Variants in CDH12 observed in about 807,000 individuals in gnomAD.
CDH12 encodes the protein cadherin 12, also known as cadherin-12.
CDH12 carries 41 observed loss-of-function variants against 74.1 expected under a neutral mutation model. That is an observed-to-expected ratio of 0.55 (90% confidence interval 0.43 to 0.72). The LOEUF (loss-of-function observed/expected upper bound fraction) is 0.72, where lower values mean the gene tolerates loss of function less well. Among genes scored for constraint, CDH12 ranks in the 30% least tolerant of loss-of-function variants. The pLI is 0.00. For missense variants in CDH12, 945 were observed against 977.2 expected (o/e 0.97, Z 0.44); for synonymous variants, 399 against 355.0 (o/e 1.12, Z -1.39).
intron 1 of CDH12, among the ~76,000 whole-genome samples, chr5:22,704,908 A>G (rs2126964995): frequency 6.6e-6 from 1 of 152,054 alleles, no homozygotes; most frequent in East Asian, 1.9e-4. Context: ...TCCTTATACA[A>G]TGTATAAAAA....
At chr5:22,719,819 T>A (rs1477698186) in intron 1 of CDH12, among the ~76,000 whole-genome samples, 3 of 152,196 alleles carry the variant, frequency 2.0e-5, no homozygotes, top group Non-Finnish European at 2.9e-5. Flanking sequence ...CCCTTTGCTA[T>A]AATTGGAAAT....
chr5:22,691,311 T>C (rs1432843614), intron 1 of CDH12, among the ~76,000 whole-genome samples: 1 of 152,166 alleles, frequency 6.6e-6, no homozygotes, highest in African/African-American at 2.4e-5. Flanking sequence ...ATATTACTAT[T>C]AGTTAACTTG....
chr5:22,621,156 A>G (rs2126840168), intron 1 of CDH12, among the ~76,000 whole-genome samples: 1 of 152,308 alleles, frequency 6.6e-6, no homozygotes, highest in African/African-American at 2.4e-5. Context: ...CAAAGCCAGC[A>G]GCATAGCATC....
At chr5:22,692,594 G>T (rs1370283885) in intron 1 of CDH12, among the ~76,000 whole-genome samples, 1 of 152,106 alleles carries the variant, frequency 6.6e-6, no homozygotes, top group Non-Finnish European at 1.5e-5. Context: ...TCTTCCTTGG[G>T]CTACAAATGG....
intron 1 of CDH12, among the ~76,000 whole-genome samples, chr5:22,799,150 A>C (rs1748379386): frequency 6.6e-6 from 1 of 152,048 alleles, no homozygotes; most frequent in South Asian, 2.1e-4. Context: ...CAAAACCACA[A>C]AACAGAAACT....
chr5:21,925,247 T>A (rs1754535733), intron 6 of CDH12, among the ~76,000 whole-genome samples: 2 of 152,292 alleles, frequency 1.3e-5, no homozygotes, highest in African/African-American at 4.8e-5. Flanking sequence ...TTGAAAAACA[T>A]CATGAATATA....
chr5:22,268,770 T>C (rs1249924457), intron 3 of CDH12, among the ~76,000 whole-genome samples: 2 of 152,116 alleles, frequency 1.3e-5, no homozygotes, highest in Admixed American at 6.6e-5. Flanking sequence ...AGCTAGGTTT[T>C]TATTTCAGAA....
chr5:22,600,111 T>C (rs1469964469), intron 1 of CDH12, among the ~76,000 whole-genome samples: 1 of 152,178 alleles, frequency 6.6e-6, no homozygotes, highest in Non-Finnish European at 1.5e-5. Context: ...ACCTGTGTGC[T>C]GTTGGGCAGG....
At chr5:22,803,128 T>A (rs1748620896) in intron 1 of CDH12, among the ~76,000 whole-genome samples, 1 of 152,192 alleles carries the variant, frequency 6.6e-6, no homozygotes, top group African/African-American at 2.4e-5. Context: ...TGTCTCAAAG[T>A]CTTTTCTGAA....
At chr5:22,795,728 A>G (rs1037121182) in intron 1 of CDH12, among the ~76,000 whole-genome samples, 6 of 151,906 alleles carry the variant, frequency 3.9e-5, no homozygotes, top group African/African-American at 1.4e-4. Context: ...AGCAGACTAT[A>G]AAAGCAAAGG....
At chr5:22,382,234 T>C (rs1741794125) in intron 3 of CDH12, among the ~76,000 whole-genome samples, 2 of 146,604 alleles carry the variant, frequency 1.4e-5, no homozygotes, top group Non-Finnish European at 3.0e-5. Context: ...ATATTTTATA[T>C]ATTATAAAAT....
chr5:22,201,954 G>T (rs1354803005), intron 4 of CDH12, among the ~76,000 whole-genome samples: 1 of 152,142 alleles, frequency 6.6e-6, no homozygotes, highest in Non-Finnish European at 1.5e-5. Context: ...TTGGATCTGT[G>T]GGAAGTCAGA....
chr5:22,834,894 T>C (rs1648810549), intron 1 of CDH12, among the ~76,000 whole-genome samples: 2 of 149,638 alleles, frequency 1.3e-5, no homozygotes, highest in African/African-American at 2.5e-5. Context: ...GAAGGAGAGG[T>C]AGAAAAAAGA....
At chr5:21,861,899 A>AGTGTGTGTGTGTGT (rs59953319) in intron 6 of CDH12, among the ~76,000 whole-genome samples, 60 of 147,836 alleles carry the variant, frequency 4.1e-4, no homozygotes, top group African/African-American at 1.4e-3. Flanking sequence ...GGTCATTTCT[A>AGTGTGTGTGTGTGT]GTGTGTGTGT....
intron 3 of CDH12, among the ~76,000 whole-genome samples, chr5:22,365,957 T>G (rs187691683): frequency 6.6e-6 from 1 of 152,154 alleles, no homozygotes; most frequent in East Asian, 1.9e-4. Context: ...CTATTTATCT[T>G]TTTGTTTTGT....
chr5:22,342,240 C>G (rs938918530), intron 3 of CDH12, among the ~76,000 whole-genome samples: 2 of 152,174 alleles, frequency 1.3e-5, no homozygotes, highest in African/African-American at 4.8e-5. Context: ...AACACATAAA[C>G]TTGAGGAGCA....
At chr5:21,841,693 T>C (rs1158448833) in intron 8 of CDH12, among the ~76,000 whole-genome samples, 2 of 151,748 alleles carry the variant, frequency 1.3e-5, no homozygotes, top group East Asian at 3.9e-4. Flanking sequence ...AAATGATGAG[T>C]TCATGTCCTT....
intron 3 of CDH12, among the ~76,000 whole-genome samples, chr5:22,306,722 G>A (rs915166452): frequency 1.3e-5 from 2 of 152,074 alleles, no homozygotes; most frequent in African/African-American, 2.4e-5. Flanking sequence ...AGCAAGATAA[G>A]TAACCTGTTT....
intron 3 of CDH12, among the ~76,000 whole-genome samples, chr5:22,295,937 C>T (rs1737605368): frequency 1.3e-5 from 2 of 151,808 alleles, no homozygotes; most frequent in Admixed American, 1.3e-4. Context: ...TAATAAAAAT[C>T]GCATCATTTC....
Sources: gnomAD v4.1 joint callset for allele counts (sites outside exome capture counted in the v4.1 genomes callset) on GRCh38, gnomAD v4.1.1 for gene constraint, MANE v1.5 for transcripts, NCBI Gene and HGNC (gene_info 2026-07-23, HGNC 2026-07-21) for gene names.